ITPR2: variants seen among roughly 807,000 people sequenced by gnomAD.
The protein encoded by ITPR2 is inositol 1,4,5-trisphosphate-gated calcium channel ITPR2.
ITPR2 carries 207 observed loss-of-function variants against 317.1 expected under a neutral mutation model. The observed-to-expected ratio is 0.65, with a 90% CI of 0.58 to 0.73. The LOEUF is 0.73. ITPR2 is among the 30% of genes least tolerant of loss of function. The probability of loss-of-function intolerance (pLI) is 0.00; values close to 1 mark genes in which losing one functional copy is unlikely to be tolerated. For synonymous variants in ITPR2, 1,156 were observed against 1,149.1 expected (o/e 1.01, Z -0.12); for missense variants, 2,613 against 3,284.0 (o/e 0.80, Z 4.99).
At chr12:26,452,109 C>G (rs2136760928) in intron 45 of ITPR2, among the ~76,000 whole-genome samples, 1 of 152,250 alleles carries the variant, frequency 6.6e-6, no homozygotes, top group South Asian at 2.1e-4. Flanking sequence ...ACACCCCTCT[C>G]CCCCTGCACC....
At chr12:26,625,527 T>G (rs1198068665) in intron 23 of ITPR2, among the ~76,000 whole-genome samples, 2 of 152,164 alleles carry the variant, frequency 1.3e-5, no homozygotes, top group Admixed American at 6.5e-5. Flanking sequence ...AAAATCACAA[T>G]ATAGTTCCAC....
chr12:26,526,949 A>G (rs1943823743), intron 37 of ITPR2, among the ~76,000 whole-genome samples: 1 of 152,222 alleles, frequency 6.6e-6, no homozygotes, highest in Admixed American at 6.5e-5. Context: ...CAAGGGAACC[A>G]AACACTCAGT....
intron 36 of ITPR2, among the ~76,000 whole-genome samples, chr12:26,555,308 A>G (rs1944632459): frequency 6.6e-6 from 1 of 152,168 alleles, no homozygotes; most frequent in South Asian, 2.1e-4. Context: ...CTATTTTGGT[A>G]ATACCCTCTA....
chr12:26,680,111 C>G (rs1470959340), intron 13 of ITPR2, among the ~76,000 whole-genome samples: 2 of 151,908 alleles, frequency 1.3e-5, no homozygotes, highest in Non-Finnish European at 2.9e-5. Context: ...CACCTTATCC[C>G]ATATACTATA....
intron 37 of ITPR2, among the ~76,000 whole-genome samples, chr12:26,536,842 C>A (rs1359137899): frequency 2.6e-5 from 4 of 152,144 alleles, no homozygotes; most frequent in Non-Finnish European, 5.9e-5. Context: ...GGGATGTGGG[C>A]TGATGTGGTC....
At position 26,481,123 on chromosome 12, in the gene ITPR2, C is replaced by T. The variant is rs369890756; in HGVS notation, c.6123+8G>A. ...GCTTTTCTGGCCTGAACAGTGGAAT[C>T]GCTCTACCTTTAGCTGGAGCACCAG... On this transcript the variant is annotated splice_region_variant and intron_variant, in intron 43 of 56. Transcript: ENST00000381340. 6 of 1,538,510 alleles carry T rather than the reference C, an allele frequency of 3.9e-6. No homozygotes were observed. In the Admixed American group the frequency reaches 5.0e-5, roughly 13 times the overall value.
intron 52 of ITPR2, among the ~76,000 whole-genome samples, chr12:26,402,753 A>G (rs1171493386): frequency 2.0e-5 from 3 of 152,214 alleles, no homozygotes; most frequent in African/African-American, 7.2e-5. Flanking sequence ...GCCACTCTCA[A>G]TATGGTAAGC....
intron 55 of ITPR2, among the ~76,000 whole-genome samples, chr12:26,343,698 T>A (rs1938211757): frequency 6.6e-6 from 1 of 152,144 alleles, no homozygotes; most frequent in Non-Finnish European, 1.5e-5. Flanking sequence ...AAAATCTGTA[T>A]GAATGAACAA....
intron 45 of ITPR2, among the ~76,000 whole-genome samples, chr12:26,458,759 T>C (rs573135546): frequency 6.6e-6 from 1 of 152,324 alleles, no homozygotes; most frequent in African/African-American, 2.4e-5. Context: ...GTGAGCCCAC[T>C]TGCAGCATCC....
intron 45 of ITPR2, among the ~76,000 whole-genome samples, chr12:26,445,601 T>C (rs1186318194): frequency 6.6e-6 from 1 of 152,160 alleles, no homozygotes; most frequent in African/African-American, 2.4e-5. Context: ...CTGCATCAAA[T>C]GTAGCAGGTA....
chr12:26,663,727 G>T lies in ITPR2; in HGVS notation c.1671C>A (p.Tyr557Ter), dbSNP rs61732724. 1 of 1,613,528 alleles carries T rather than the reference G, an allele frequency of 6.2e-7. No individual in the cohort carries two copies. The highest frequency in any genetic ancestry group is 8.5e-7 in the Non-Finnish European group (1 of 1,179,836). Reference sequence around the variant, plus strand: ...CCTGCTGCGAGTGTCTCAGGACGCGGTAACAGAGCCGCAGCATGTACTTGT... The same window carrying T: ...CCTGCTGCGAGTGTCTCAGGACGCGTTAACAGAGCCGCAGCATGTACTTGT... ...APYKYMLRLC[Y>*]RVLRHSQQDY... is the part of the protein sequence containing the mutation. Residue 557 changes from tyrosine (Y) to a stop codon, truncating the protein, a stop_gained, in exon 15 of 57, where the codon TAC (tyrosine) becomes TAA (stop). Coordinates refer to ENST00000381340, the MANE Select transcript of ITPR2 (RefSeq NM_002223.4). LOFTEE classifies it high-confidence loss of function.
At chr12:26,385,541 T>C (rs1018729883) in intron 55 of ITPR2, among the ~76,000 whole-genome samples, 2 of 152,218 alleles carry the variant, frequency 1.3e-5, no homozygotes, top group African/African-American at 4.8e-5. Context: ...CCCTTAGTTA[T>C]AACCTTTAGA....
intron 54 of ITPR2, among the ~76,000 whole-genome samples, chr12:26,391,946 A>G (rs1939864527): frequency 6.6e-6 from 1 of 152,114 alleles, no homozygotes; most frequent in African/African-American, 2.4e-5. Flanking sequence ...TCAGGGGAAG[A>G]TTGGGATAAG....
intron 37 of ITPR2, among the ~76,000 whole-genome samples, chr12:26,536,116 C>A (rs1205475713): frequency 1.3e-5 from 2 of 152,100 alleles, no homozygotes; most frequent in African/African-American, 4.8e-5. Flanking sequence ...TTTTTTTGTA[C>A]AAGAACTTTG....
chr12:26,555,098 A>T (rs542159967), intron 36 of ITPR2, among the ~76,000 whole-genome samples: 4 of 152,290 alleles, frequency 2.6e-5, no homozygotes, highest in Non-Finnish European at 5.9e-5. Context: ...AAAGCCAAAA[A>T]TACCTGATTC....
chr12:26,686,232 C>T (rs1326488820), intron 11 of ITPR2, among the ~76,000 whole-genome samples: 2 of 151,870 alleles, frequency 1.3e-5, no homozygotes, highest in East Asian at 3.8e-4. Flanking sequence ...AAAGGCCATA[C>T]AAGTAATAAG....
At chr12:26,782,039 GAGAGA>G (rs1950103357) in intron 2 of ITPR2, among the ~76,000 whole-genome samples, 16 of 25,398 alleles carry the variant, frequency 6.3e-4, no homozygotes, top group African/African-American at 2.4e-3. Context: ...TATATGTATA[GAGAGA>G]GAGAGAGAGA....
chr12:26,774,632 T>C (rs11611531), intron 2 of ITPR2, among the ~76,000 whole-genome samples: 55,717 of 152,114 alleles, frequency 0.37, 12,690 homozygotes, highest in Non-Finnish European at 0.53. Flanking sequence ...GTTTATAGTC[T>C]AATCACAGGT....
At chr12:26,428,383 A>G in intron 48 of ITPR2, among the ~76,000 whole-genome samples, 1 of 152,184 alleles carries the variant, frequency 6.6e-6, no homozygotes, top group East Asian at 1.9e-4. Context: ...GTGATTTGCT[A>G]AATACTTTTG....
Sources: gnomAD v4.1 joint callset for allele counts (sites outside exome capture counted in the v4.1 genomes callset) on GRCh38, gnomAD v4.1.1 for gene constraint, MANE v1.5 for transcripts, NCBI Gene and HGNC (gene_info 2026-07-23, HGNC 2026-07-21) for gene names.